The following PTPRN2 variants were observed in gnomAD, a reference collection of about 807,000 sequenced individuals.
PTPRN2 encodes receptor-type tyrosine-protein phosphatase N2.
Under a neutral mutation model 118.8 loss-of-function variants are expected in PTPRN2, and 74 were observed. That is an observed-to-expected ratio of 0.62 (90% confidence interval 0.52 to 0.76). The LOEUF is 0.76. Ranked by LOEUF, PTPRN2 falls within the 30% of genes least tolerant of loss-of-function variation. The pLI, the probability that PTPRN2 is intolerant of heterozygous loss-of-function variation, is 0.00. For missense variants in PTPRN2, 1,481 were observed against 1,394.4 expected (o/e 1.06, Z -0.99); for synonymous variants, 641 against 608.0 (o/e 1.05, Z -0.80).
At chr7:158,401,969 C>T (rs1209220070) in intron 2 of PTPRN2, among the ~76,000 whole-genome samples, 2 of 152,138 alleles carry the variant, frequency 1.3e-5, no homozygotes, top group Non-Finnish European at 2.9e-5. Context: ...GAAAGGGGGT[C>T]TGGCCGGTGC....
rs1323333352 is a variant in PTPRN2 at position 157,990,504 on chromosome 7, GC to G, written c.1723+90793del. On this transcript the variant is annotated intron_variant, in intron 11 of 22. Transcript: ENST00000389418. The surrounding 1 kb of genome is among the most constrained non-coding windows in gnomAD (Gnocchi z 4.3). ...CTTGGGCCACACTCCATGCCACCAT[GC>G]CCAACGGTCCCCGCCCTGCACCCAC... is the stretch of plus-strand genomic sequence containing the variant. 2.0e-5 allele frequency among the ~76,000 whole-genome samples: 3 copies of G among 150,998 alleles called. No individual in the cohort carries two copies. The highest frequency in any genetic ancestry group is 7.3e-5 in the African/African-American group (3 of 41,244).
intron 5 of PTPRN2, among the ~76,000 whole-genome samples, chr7:158,185,315 T>C (rs1291848397): frequency 2.6e-5 from 4 of 152,366 alleles, no homozygotes; most frequent in African/African-American, 9.6e-5. Flanking sequence ...TCAAAAAGAA[T>C]GTGTGTTTAG....
rs550172674 is a variant in PTPRN2 at position 158,217,547 on chromosome 7, CAG to C, written c.278-12276_278-12275del. Among the ~76,000 whole-genome samples, 195 of 152,278 alleles carry C rather than the reference CAG, an allele frequency of 1.3e-3. 1 individual carries two copies. The highest frequency in any genetic ancestry group is 4.4e-3 in the African/African-American group (182 of 41,566). On this transcript the variant is annotated intron_variant, in intron 3 of 22. Transcript: ENST00000389418. ...CAAGAACTCTGGCAGTTCTAAAAGC[CAG>C]AGTGTCTTTTTACCTACAAATGAAC...
intron 4 of PTPRN2, among the ~76,000 whole-genome samples, chr7:158,196,022 TC>T (rs1312727710): frequency 6.6e-6 from 1 of 152,176 alleles, no homozygotes. Context: ...GACAAATTAC[TC>T]CCCACTACTA....
intron 6 of PTPRN2, among the ~76,000 whole-genome samples, chr7:158,140,325 A>C (rs1002758143): frequency 6.6e-6 from 1 of 152,218 alleles, no homozygotes; most frequent in Admixed American, 6.5e-5. Flanking sequence ...CCAAAAGGAC[A>C]TCTTCCGTAT....
intron 2 of PTPRN2, among the ~76,000 whole-genome samples, chr7:158,466,185 G>C (rs1586739257): frequency 1.3e-5 from 2 of 152,204 alleles, no homozygotes; most frequent in East Asian, 3.9e-4. Context: ...GCACCCTCTG[G>C]GCAAATTACC....
chr7:157,879,617 G>A (rs547301288), intron 12 of PTPRN2, among the ~76,000 whole-genome samples: 2 of 151,858 alleles, frequency 1.3e-5, no homozygotes, highest in Non-Finnish European at 2.9e-5. Context: ...AAGGGAGGGG[G>A]CTCCAAGCAC....
chr7:157,619,078 C>T lies in PTPRN2; in HGVS notation c.2344+2284G>A, dbSNP rs940252483. Among the ~76,000 whole-genome samples, 1 of 152,078 alleles carries T rather than the reference C, an allele frequency of 6.6e-6. No homozygotes were observed. The highest frequency in any genetic ancestry group is 2.4e-5 in the African/African-American group (1 of 41,400). ...TGCTACCTGGGGAGGCTGCCTGTGT[C>T]CCATCTGAGCACGGACCACTTCACC... is the stretch of plus-strand genomic sequence containing the variant. On this transcript the variant is annotated intron_variant, in intron 15 of 22. Coordinates refer to ENST00000389418, the MANE Select transcript of PTPRN2 (RefSeq NM_002847.5). This position sits in a 1 kb window ranked among gnomAD's most constrained non-coding sequence, Gnocchi z 5.3.
At chr7:157,768,985 G>T (rs913697036) in intron 12 of PTPRN2, among the ~76,000 whole-genome samples, 3 of 152,186 alleles carry the variant, frequency 2.0e-5, no homozygotes, top group African/African-American at 7.2e-5. Context: ...TCACCGCTGT[G>T]TGCTGACGCT....
intron 11 of PTPRN2, among the ~76,000 whole-genome samples, chr7:158,067,040 GT>G (rs1248006686): frequency 6.6e-6 from 1 of 152,160 alleles, no homozygotes; most frequent in Non-Finnish European, 1.5e-5. Context: ...ATATTTTCCT[GT>G]TTTCATGAAA....
chr7:157,681,675 C>T (rs1796922004), intron 13 of PTPRN2, among the ~76,000 whole-genome samples: 1 of 152,186 alleles, frequency 6.6e-6, no homozygotes, highest in East Asian at 1.9e-4. Context: ...GAAAAGCTAG[C>T]TCCAAGGAGC....
intron 2 of PTPRN2, among the ~76,000 whole-genome samples, chr7:158,365,224 C>G (rs969589319): frequency 6.6e-6 from 1 of 152,218 alleles, no homozygotes; most frequent in South Asian, 2.1e-4. Context: ...CCACAGTCAC[C>G]GCACAAAGTC....
At chr7:158,469,072 G>A (rs1670354) in intron 2 of PTPRN2, among the ~76,000 whole-genome samples, 93,602 of 139,418 alleles carry the variant, frequency 0.67, 31,485 homozygotes, top group Admixed American at 0.75. Flanking sequence ...CACACTCCTG[G>A]TGGATCAACA....
intron 4 of PTPRN2, among the ~76,000 whole-genome samples, chr7:158,203,702 G>A (rs971722920): frequency 2.0e-5 from 3 of 152,146 alleles, no homozygotes; most frequent in Non-Finnish European, 4.4e-5. Context: ...ATACTTGATG[G>A]AGTTCAAGGT....
chr7:157,923,054 T>C (rs181233938), intron 11 of PTPRN2, among the ~76,000 whole-genome samples: 93 of 152,348 alleles, frequency 6.1e-4, no homozygotes, highest in Admixed American at 5.6e-3. Flanking sequence ...CATTTATTTG[T>C]AACCAGTGTT....
intron 1 of PTPRN2, among the ~76,000 whole-genome samples, chr7:158,492,854 G>A (rs556911040): frequency 2.6e-5 from 4 of 152,344 alleles, no homozygotes; most frequent in East Asian, 1.9e-4. Flanking sequence ...CGCCTTCCTC[G>A]AGTGGGCTCC....
intron 3 of PTPRN2, among the ~76,000 whole-genome samples, chr7:158,265,394 C>T (rs1051326210): frequency 1.3e-5 from 2 of 151,888 alleles, no homozygotes; most frequent in African/African-American, 2.4e-5. Context: ...AGGCAGGCAC[C>T]CACCTGCGGG....
At chr7:158,091,758 A>T (rs577874044) in intron 10 of PTPRN2, among the ~76,000 whole-genome samples, 3 of 140,584 alleles carry the variant, frequency 2.1e-5, no homozygotes, top group African/African-American at 8.1e-5. Flanking sequence ...TAGGTGATGG[A>T]TGGGTAGAGA....
At chr7:157,564,207 C>T (rs1450199451) in intron 21 of PTPRN2, among the ~76,000 whole-genome samples, 2 of 152,236 alleles carry the variant, frequency 1.3e-5, no homozygotes, top group African/African-American at 4.8e-5. Context: ...TCTCAGGTCA[C>T]TGCAACCTCC....
Sources: gnomAD v4.1 joint callset for allele counts (sites outside exome capture counted in the v4.1 genomes callset) on GRCh38, gnomAD v4.1.1 for gene constraint, Gnocchi (gnomAD v3.1) non-coding constraint, MANE v1.5 for transcripts, NCBI Gene and HGNC (gene_info 2026-07-23, HGNC 2026-07-21) for gene names.